The following MAST4 variants were observed in gnomAD, a reference collection of about 807,000 sequenced individuals.
MAST4 encodes microtubule-associated serine/threonine-protein kinase 4.
MAST4 carries 89 observed loss-of-function variants against 162.7 expected under a neutral mutation model. The observed-to-expected ratio is 0.55, with a 90% CI of 0.46 to 0.65. The LOEUF (loss-of-function observed/expected upper bound fraction) is 0.65, where lower values mean the gene tolerates loss of function less well. Ranked by LOEUF, MAST4 falls within the 30% of genes least tolerant of loss-of-function variation. The pLI is 0.00. For synonymous variants in MAST4, 1,479 were observed against 1,361.1 expected, an observed-to-expected ratio of 1.09 and a Z score of -1.91; for missense variants, 3,153 against 3,374.0, an observed-to-expected ratio of 0.93 and a Z score of 1.62.
chr5:66,792,991 G>A (rs1370964011), intron 3 of MAST4, among the ~76,000 whole-genome samples: 4 of 152,140 alleles, frequency 2.6e-5, no homozygotes, highest in African/African-American at 9.7e-5. Context: ...AAAAGTATAG[G>A]CCCTCAACGT....
chr5:66,845,126 T>TATATATATGC, intron 3 of MAST4, among the ~76,000 whole-genome samples: 1 of 67,178 alleles, frequency 1.5e-5, no homozygotes, highest in Admixed American at 1.7e-4. Flanking sequence ...TATATATATA[T>TATATATATGC]ACACACACAC....
intron 3 of MAST4, among the ~76,000 whole-genome samples, chr5:66,793,707 G>A (rs6887024): frequency 0.31 from 46,835 of 152,014 alleles, 7,701 homozygotes; most frequent in Non-Finnish European, 0.37. Context: ...CAATTTTCTG[G>A]TTGGTTGGAA....
At chr5:66,780,451 G>A (rs1754809858) in intron 2 of MAST4, among the ~76,000 whole-genome samples, 2 of 152,192 alleles carry the variant, frequency 1.3e-5, no homozygotes, top group South Asian at 4.1e-4. Flanking sequence ...TATGTCCAGA[G>A]TTTCTTCCTT....
chr5:66,755,841 A>C (rs899080098), intron 1 of MAST4, among the ~76,000 whole-genome samples: 1 of 152,178 alleles, frequency 6.6e-6, no homozygotes, highest in Admixed American at 6.5e-5. Context: ...AATGTTAACT[A>C]TGTGCTTTTA....
chr5:66,630,197 G>A (rs770099745), intron 1 of MAST4, among the ~76,000 whole-genome samples: 1 of 152,134 alleles, frequency 6.6e-6, no homozygotes, highest in Non-Finnish European at 1.5e-5. Context: ...TGTGCAACCA[G>A]GGGTGAAAAC....
intron 2 of MAST4, among the ~76,000 whole-genome samples, chr5:66,786,952 C>T (rs1755146980): frequency 6.6e-6 from 1 of 152,038 alleles, no homozygotes; most frequent in African/African-American, 2.4e-5. Flanking sequence ...ATCAGTATCA[C>T]ATTTTTTTTG....
chr5:66,639,674 A>G (rs929795851), intron 1 of MAST4, among the ~76,000 whole-genome samples: 2 of 152,192 alleles, frequency 1.3e-5, no homozygotes, highest in Non-Finnish European at 2.9e-5. Context: ...TGTATGTGGG[A>G]TAAATGAACT....
At chr5:66,954,285 T>A (rs1273710533) in intron 4 of MAST4, among the ~76,000 whole-genome samples, 1 of 152,200 alleles carries the variant, frequency 6.6e-6, no homozygotes, top group African/African-American at 2.4e-5. Flanking sequence ...CTTCATGTGG[T>A]ATCTGAACAT....
chr5:66,596,646 A>G lies in MAST4; in HGVS notation c.-10A>G, dbSNP rs927752122. On this transcript the variant is annotated 5_prime_UTR_variant, in exon 1 of 29. Coordinates refer to ENST00000403625, the MANE Select transcript of MAST4 (RefSeq NM_001164664.2). ...CGCCGCTCGGGAGGCACTTTGGGCC[A>G]GACAGGGAAATGGGGGAGAAAGTTT... The G allele has an allele frequency of 3.5e-6, 5 of 1,444,956 alleles. No homozygotes were observed. Among genetic ancestry groups the G allele is most frequent in the Non-Finnish European group, 4.5e-6 (5 of 1,102,860 alleles). The allele number at this position is 1,444,956 out of a possible 1,614,324, so 89.5% of individuals were successfully genotyped here. A position where few individuals can be genotyped will look rare whatever the true frequency, so the allele number is the denominator to read the frequency against.
At chr5:66,699,577 G>T (rs1354563334) in intron 1 of MAST4, among the ~76,000 whole-genome samples, 2 of 152,176 alleles carry the variant, frequency 1.3e-5, no homozygotes, top group East Asian at 3.9e-4. Context: ...ATACTGTGCA[G>T]CCATAAAAAG....
At chr5:67,007,013 C>G (rs1752115308) in intron 4 of MAST4, among the ~76,000 whole-genome samples, 1 of 152,054 alleles carries the variant, frequency 6.6e-6, no homozygotes. Flanking sequence ...AATAAACATC[C>G]CAAAGATCAT....
At chr5:66,962,868 C>T (rs921120468) in intron 4 of MAST4, among the ~76,000 whole-genome samples, 6 of 152,168 alleles carry the variant, frequency 3.9e-5, no homozygotes, top group Admixed American at 2.0e-4. Context: ...TGACTAGCAT[C>T]AACTCCATGC....
chr5:66,863,246 A>G (rs1267871285), intron 3 of MAST4, among the ~76,000 whole-genome samples: 1 of 152,228 alleles, frequency 6.6e-6, no homozygotes, highest in Admixed American at 6.5e-5. Flanking sequence ...GAGAAAAACT[A>G]CTGTACAGCT....
intron 4 of MAST4, among the ~76,000 whole-genome samples, chr5:66,951,632 G>A (rs184228570): frequency 0.018 from 2,448 of 133,564 alleles, 70 homozygotes; most frequent in African/African-American, 0.059. Context: ...GTGTGTGTGT[G>A]TGTGTGTGTG....
intron 2 of MAST4, among the ~76,000 whole-genome samples, chr5:66,768,269 G>A (rs1754194679): frequency 2.0e-5 from 3 of 152,200 alleles, no homozygotes; most frequent in Admixed American, 2.0e-4. Context: ...GATGGTTTGG[G>A]TGAGAGAGAC....
intron 3 of MAST4, among the ~76,000 whole-genome samples, chr5:66,884,435 A>G (rs192000340): frequency 5.3e-4 from 80 of 152,312 alleles, no homozygotes; most frequent in Non-Finnish European, 9.4e-4. Flanking sequence ...CTGTAGCTCT[A>G]TATTTTGGGG....
intron 1 of MAST4, among the ~76,000 whole-genome samples, chr5:66,631,400 G>A (rs1744785470): frequency 6.6e-6 from 1 of 152,240 alleles, no homozygotes; most frequent in East Asian, 1.9e-4. Flanking sequence ...TCTATGTTTT[G>A]TGTATGCTTT....
At chr5:66,889,817 T>C (rs1485027995) in intron 3 of MAST4, among the ~76,000 whole-genome samples, 1 of 152,222 alleles carries the variant, frequency 6.6e-6, no homozygotes, top group Non-Finnish European at 1.5e-5. Flanking sequence ...CCCCATAAGA[T>C]AAGCTGTATT....
intron 5 of MAST4, among the ~76,000 whole-genome samples, chr5:67,086,849 G>A (rs1012335619): frequency 1.3e-5 from 2 of 152,228 alleles, no homozygotes; most frequent in African/African-American, 4.8e-5. Context: ...CACTGTGCAT[G>A]TGCACAGCAG....
Sources: gnomAD v4.1 joint callset for allele counts (sites outside exome capture counted in the v4.1 genomes callset) on GRCh38, gnomAD v4.1.1 for gene constraint, MANE v1.5 for transcripts, NCBI Gene and HGNC (gene_info 2026-07-23, HGNC 2026-07-21) for gene names.